KIF21B: variants seen among roughly 807,000 people sequenced by gnomAD.
The protein encoded by KIF21B is kinesin-like protein KIF21B.
KIF21B carries 85 observed loss-of-function variants against 192.9 expected under a neutral mutation model. The observed-to-expected ratio is 0.44, with a 90% confidence interval of 0.37 to 0.53. The LOEUF (loss-of-function observed/expected upper bound fraction) is 0.53. Ranked by LOEUF, KIF21B falls within the 20% of genes least tolerant of loss-of-function variation. KIF21B has a pLI of 0.00. For synonymous variants in KIF21B, 832 were observed against 884.6 expected (o/e 0.94, Z 1.05); for missense variants, 1,716 against 2,194.8 (o/e 0.78, Z 4.36).
chr1:201,004,832 C>G lies in KIF21B; in HGVS notation c.834G>C (p.Glu278Asp). Reference protein sequence around the residue: ...KFHFVDLAGSERLKRTGATGE... With the variant: ...KFHFVDLAGSDRLKRTGATGE... ...CAGTAGCCCCTGTCCGCTTCAGCCG[C>G]TCTGAGCCGGCCAGGTCCACAAAGT... The change falls in exon 6 of 35, where the codon GAG becomes GAC. Residue 278 changes from glutamate to aspartate, a missense_variant. By Grantham distance (45) the Glu-to-Asp change is conservative. Transcript: ENST00000461742. The G allele has an allele frequency of 6.2e-7, 1 of 1,614,192 alleles. No individual in the cohort carries two copies. The highest frequency in any genetic ancestry group is 8.5e-7 in the Non-Finnish European group (1 of 1,180,036).
chr1:201,007,408 C>CCACA (rs1657943809), intron 3 of KIF21B, among the ~76,000 whole-genome samples: 1 of 73,980 alleles, frequency 1.4e-5, no homozygotes, highest in Non-Finnish European at 2.7e-5. Context: ...ACGCAGACAC[C>CCACA]CACACACACA....
At chr1:200,996,054 GACAGGGTCAA>G in intron 15 of KIF21B, 132 bp downstream of exon 15, 3 of 886,988 alleles carry the variant, frequency 3.4e-6, no homozygotes. Flanking sequence ...CAAGGGCCAA[GACAGGGTCAA>G]ACTAGGTTAA....
chr1:200,997,664 AC>A (rs1377409823), intron 14 of KIF21B, among the ~76,000 whole-genome samples: 4 of 152,094 alleles, frequency 2.6e-5, no homozygotes, highest in African/African-American at 9.7e-5. Context: ...AATCGATTGA[AC>A]CGGGGGTCAG....
At chr1:201,018,275 G>A (rs1049273375) in intron 1 of KIF21B, among the ~76,000 whole-genome samples, 1 of 152,222 alleles carries the variant, frequency 6.6e-6, no homozygotes, top group African/African-American at 2.4e-5. Context: ...AATTCAGGCA[G>A]GAAGACACAT....
intron 6 of KIF21B, 127 bp downstream of exon 6, chr1:201,004,639 C>T (rs1657696792): frequency 7.8e-7 from 1 of 1,287,322 alleles, no homozygotes; most frequent in African/African-American, 1.5e-5. Context: ...GGGGTGACGC[C>T]TGAGAGTGAA....
Position 201,004,889 on chromosome 1 carries a change from C to T in KIF21B, c.777G>A (p.Ser259=), listed in dbSNP as rs749553311. ...VTGLPDGTPP[S]SEYETLTAKF... ...TAGCAGTGAGTGTCTCATACTCACTCGAGGGAGGTGTACCATCAGGAAGCC... is the reference window on the plus strand; with the variant it reads ...TAGCAGTGAGTGTCTCATACTCACTTGAGGGAGGTGTACCATCAGGAAGCC... The change falls in exon 6 of 35, where the codon TCG becomes TCA. Residue 259 remains serine, a synonymous_variant. Coordinates refer to ENST00000461742, the MANE Select transcript of KIF21B (RefSeq NM_001252102.2). 3.3e-5 allele frequency: 54 copies of T among 1,613,100 alleles called. No individual in the cohort carries two copies. Among genetic ancestry groups the T allele is most frequent in the Admixed American group, 5.0e-5 (3 of 59,980 alleles).
chr1:201,009,173 T>A, intron 2 of KIF21B, 93 bp downstream of exon 2: 1 of 1,293,732 alleles, frequency 7.7e-7, no homozygotes, highest in South Asian at 1.4e-5. Context: ...CCTGAGGCTA[T>A]GTTTCAGCTG....
chr1:200,995,492 A>G (rs1256709784), intron 15 of KIF21B, among the ~76,000 whole-genome samples: 1 of 152,230 alleles, frequency 6.6e-6, no homozygotes, highest in Non-Finnish European at 1.5e-5. Context: ...ACAAGACTTG[A>G]GCCCTGAAGT....
At chr1:200,984,563 C>T (rs1302892419) in intron 27 of KIF21B, among the ~76,000 whole-genome samples, 1 of 152,196 alleles carries the variant, frequency 6.6e-6, no homozygotes, top group African/African-American at 2.4e-5. Context: ...TCTGGAGAGC[C>T]CTCAGGCACC....
intron 14 of KIF21B, among the ~76,000 whole-genome samples, chr1:200,997,518 G>A (rs975930483): frequency 6.6e-6 from 1 of 152,262 alleles, no homozygotes; most frequent in Admixed American, 6.5e-5. Context: ...GCCAAGGAAG[G>A]CGGATCACAA....
At chr1:200,981,803 A>G (rs1235572321) in intron 28 of KIF21B, among the ~76,000 whole-genome samples, 1 of 151,592 alleles carries the variant, frequency 6.6e-6, no homozygotes, top group Non-Finnish European at 1.5e-5. Context: ...CTGGAACAAC[A>G]CCTCCTCGCT....
At position 200,990,454 on chromosome 1, in the gene KIF21B, A is replaced by T; in HGVS notation, c.2835+122T>A. The T allele has an allele frequency of 6.7e-7, 1 of 1,482,242 alleles. No individual in the cohort carries two copies. Among genetic ancestry groups the T allele is most frequent in the Non-Finnish European group, 9.2e-7 (1 of 1,089,498 alleles). 91.8% of individuals were successfully genotyped at this position (1,482,242 alleles called of 1,614,324 possible). A position where few individuals can be genotyped will look rare whatever the true frequency, so the allele number is the denominator to read the frequency against. ...GGTCCCCCCAGCACCTCTGGATTCC[A>T]GAGCAGGCAAAAGGAGCAGAGGGAA... On this transcript the variant is annotated intron_variant, in intron 19 of 34. Coordinates refer to ENST00000461742, the MANE Select transcript of KIF21B (RefSeq NM_001252102.2). This position sits in a 1 kb window ranked among gnomAD's most constrained non-coding sequence, Gnocchi z 5.4.
At chr1:200,977,909 T>C (rs894227945) in intron 30 of KIF21B, among the ~76,000 whole-genome samples, 1 of 151,506 alleles carries the variant, frequency 6.6e-6, no homozygotes, top group Non-Finnish European at 1.5e-5. Context: ...TGATTTTGTA[T>C]TTTTAGTAGA....
Position 200,970,429 on chromosome 1 carries a change from C to T in KIF21B, c.*3092G>A. 6.5e-6 allele frequency: 1 copy of T among 152,742 alleles called. No individual in the cohort carries two copies. The highest frequency in any genetic ancestry group is 1.9e-4 in the East Asian group (1 of 5,326). 9.5% of individuals were successfully genotyped at this position (152,742 alleles called of 1,614,324 possible). ...AAGGGGCTGAAGGTGGCACTCTGAC[C>T]ACCTCAAAGGCTTGGGTGTGCCAGG... On this transcript the variant is annotated 3_prime_UTR_variant, in exon 35 of 35. Coordinates refer to ENST00000461742, the MANE Select transcript of KIF21B (RefSeq NM_001252102.2).
At chr1:200,993,798 G>A (rs1474340006) in intron 15 of KIF21B, among the ~76,000 whole-genome samples, 3 of 139,164 alleles carry the variant, frequency 2.2e-5, no homozygotes, top group Non-Finnish European at 3.1e-5. Flanking sequence ...AAAGAAAAAC[G>A]AAATGGCATG....
At chr1:201,007,493 CAGAG>C (rs1657956175) in intron 3 of KIF21B, among the ~76,000 whole-genome samples, 1 of 150,654 alleles carries the variant, frequency 6.6e-6, no homozygotes, top group Non-Finnish European at 1.5e-5. Flanking sequence ...GACACACACA[CAGAG>C]ACAGACACAG....
At chr1:201,004,536 TGTACC>T in intron 6 of KIF21B, 81 bp from the exon 7 acceptor site, 1 of 1,267,688 alleles carries the variant, frequency 7.9e-7, no homozygotes, top group Non-Finnish European at 1.1e-6. Flanking sequence ...CCAACCCATC[TGTACC>T]TGCCTCTTTG....
intron 26 of KIF21B, among the ~76,000 whole-genome samples, chr1:200,986,188 A>G (rs1402351923): frequency 6.6e-6 from 1 of 151,988 alleles, no homozygotes; most frequent in African/African-American, 2.4e-5. Context: ...AAAAGACCTG[A>G]AAGCTCCCCA....
intron 22 of KIF21B, 101 bp downstream of exon 22, chr1:200,988,665 G>A (rs946595666): frequency 8.0e-6 from 12 of 1,497,562 alleles, no homozygotes; most frequent in Non-Finnish European, 9.1e-6. Context: ...CCTGGTGGGG[G>A]TTAGGGGTGG....
Sources: allele counts gnomAD v4.1 joint callset (sites outside exome capture counted in the v4.1 genomes callset), GRCh38; gene constraint gnomAD v4.1.1; non-coding constraint Gnocchi (gnomAD v3.1); transcripts MANE v1.5; gene names NCBI Gene and HGNC (gene_info 2026-07-23, HGNC 2026-07-21).